Variants in ADAMTSL1 observed in about 807,000 individuals in gnomAD.
The protein encoded by ADAMTSL1 is ADAMTS-like protein 1.
A neutral mutation model predicts 201.8 loss-of-function variants in ADAMTSL1; 126 were observed. The ratio of observed to expected loss-of-function variants is 0.62; its 90% confidence interval spans 0.54 to 0.72. ADAMTSL1 has a LOEUF of 0.72. Ranked by LOEUF, ADAMTSL1 falls within the 30% of genes least tolerant of loss-of-function variation. The pLI, the probability that ADAMTSL1 is intolerant of heterozygous loss-of-function variation, is 0.00. For missense variants in ADAMTSL1, 2,679 were observed against 2,277.8 expected (o/e 1.18, Z -3.59); for synonymous variants, 1,121 against 903.4 (o/e 1.24, Z -4.32).
chr9:18,906,830 C>G lies in ADAMTSL1; in HGVS notation c.5100C>G (p.Asn1700Lys), dbSNP rs770131671. ...RRVECVHART[N>K]KAVPEHLCSW... ...TGGAGTGTGTGCATGCCCGCACCAACAAGGCAGTGCCTGAGCACCTGTGCT... is the reference window on the plus strand; with the variant it reads ...TGGAGTGTGTGCATGCCCGCACCAAGAAGGCAGTGCCTGAGCACCTGTGCT... Residue 1700 changes from asparagine to lysine, a missense_variant, in exon 28 of 29, where the codon AAC becomes AAG. Transcript: ENST00000380548. 3 of 1,614,042 alleles carry G rather than the reference C, an allele frequency of 1.9e-6. No individual in the cohort carries two copies. Among genetic ancestry groups the G allele is most frequent in the Non-Finnish European group, 2.5e-6 (3 of 1,179,892 alleles).
intron 1 of ADAMTSL1, among the ~76,000 whole-genome samples, chr9:18,095,960 A>C (rs62549861): frequency 0.034 from 5,246 of 152,230 alleles, 174 homozygotes; most frequent in African/African-American, 0.079. Flanking sequence ...ATTCTTATTC[A>C]GGACTATGGA....
Position 18,777,336 on chromosome 9 carries a change from G to C in ADAMTSL1, c.3107G>C (p.Gly1036Ala). 6.2e-7 allele frequency: 1 copy of C among 1,601,668 alleles called. No homozygotes were observed. The highest frequency in any genetic ancestry group is 8.5e-7 in the Non-Finnish European group (1 of 1,174,470). ...SRLLEQGGWP[G>A]ELLASWEAQD... ...CTGCTGGAGCAGGGCGGCTGGCCCG[G>C]AGAGCTGCTGGCCTCGTGGGAGGCG... Residue 1036 changes from glycine (G) to alanine (A), a missense_variant, in exon 19 of 29, where the codon GGA becomes GCA. Gly to Ala is a moderately conservative substitution (Grantham distance 60). Coordinates refer to ENST00000380548, the MANE Select transcript of ADAMTSL1 (RefSeq NM_001040272.6).
Position 18,812,812 on chromosome 9 carries a change from A to G in ADAMTSL1, c.3806-4297A>G, listed in dbSNP as rs118170245. On this transcript the variant is annotated intron_variant, in intron 20 of 28. Transcript: ENST00000380548. ...TGTGTTCTTGGCACTTTTGTTGAAA[A>G]TGAGTTGGCTGTAAGTACGTGGATT... Among the ~76,000 whole-genome samples, 431 of 152,240 alleles carry G rather than the reference A, an allele frequency of 2.8e-3. 3 individuals carry two copies. Among genetic ancestry groups the G allele is most frequent in the Middle Eastern group, 0.024 (7 of 294 alleles).
chr9:18,905,905 C>T lies in ADAMTSL1; in HGVS notation c.4961+14C>T. The stretch of plus-strand genomic sequence containing the variant: ...TGCTCTTCCGAGGTAAGAGAAAGCC[C>T]TGAATCTCCTTTTCCCAGCCCCATG... On this transcript the variant is annotated intron_variant, in intron 27 of 28. Transcript: ENST00000380548. 6.3e-7 allele frequency: 1 copy of T among 1,585,740 alleles called. No individual in the cohort carries two copies. The highest frequency in any genetic ancestry group is 1.7e-5 in the Admixed American group (1 of 57,638).
intron 20 of ADAMTSL1, among the ~76,000 whole-genome samples, chr9:18,805,495 A>G (rs1289636019): frequency 1.3e-5 from 2 of 152,132 alleles, no homozygotes; most frequent in Non-Finnish European, 1.5e-5. Context: ...ATTTATTCAA[A>G]CTTCCTGCTG....
Position 18,285,258 on chromosome 9 carries a change from C to T in ADAMTSL1, c.207+121277C>T, listed in dbSNP as rs542920671. On this transcript the variant is annotated intron_variant, in intron 2 of 29. Transcript: ENST00000680146. Reference sequence around the variant, plus strand: ...ATAGTAAGGAATAAAATCATAATAGCATTTATTGAATTTTACTATATTCCC... The same window carrying T: ...ATAGTAAGGAATAAAATCATAATAGTATTTATTGAATTTTACTATATTCCC... 2.0e-5 allele frequency among the ~76,000 whole-genome samples: 3 copies of T among 152,200 alleles called. No individual in the cohort carries two copies. In the South Asian group the frequency reaches 6.2e-4, roughly 32 times the overall value.
chr9:17,933,980 C>T (rs1026351678), intron 1 of ADAMTSL1, among the ~76,000 whole-genome samples: 2 of 152,140 alleles, frequency 1.3e-5, no homozygotes, highest in Admixed American at 6.6e-5. Flanking sequence ...TTTTAATATC[C>T]TCTTCTTGTT....
chr9:18,350,586 G>A (rs1835923851), intron 2 of ADAMTSL1, among the ~76,000 whole-genome samples: 1 of 152,120 alleles, frequency 6.6e-6, no homozygotes, highest in Non-Finnish European at 1.5e-5. Context: ...GAAAGGTAGG[G>A]GGTGTTCTTG....
At chr9:18,684,912 C>T (rs1830731874) in intron 13 of ADAMTSL1, 112 bp downstream of exon 13, 1 of 1,406,160 alleles carries the variant, frequency 7.1e-7, no homozygotes. Flanking sequence ...AATCATCTCA[C>T]CAAAGCTTTT....
chr9:18,315,493 G>A (rs1339804308), intron 2 of ADAMTSL1, among the ~76,000 whole-genome samples: 3 of 152,144 alleles, frequency 2.0e-5, no homozygotes, highest in Non-Finnish European at 4.4e-5. Flanking sequence ...GTCCTGTGGG[G>A]AGGCAGCTGA....
At position 18,606,179 on chromosome 9, in the gene ADAMTSL1, A is replaced by T. The variant is rs569736141; in HGVS notation, c.475-16064A>T. Among the ~76,000 whole-genome samples the T allele has an allele frequency of 3.0e-4, 46 of 152,166 alleles. 1 individual carries two copies. The South Asian group carries it at 9.6e-3, about 32-fold the overall frequency. On this transcript the variant is annotated intron_variant, in intron 4 of 28. Transcript: ENST00000380548. ...TCAGTCATGCCAACTGCTACTGGAG[A>T]TGTTTTTCCTCTGTTTAAGGTAATA...
chr9:18,727,873 A>T (rs549164998), intron 15 of ADAMTSL1, among the ~76,000 whole-genome samples: 1 of 152,174 alleles, frequency 6.6e-6, no homozygotes, highest in South Asian at 2.1e-4. Flanking sequence ...TGAGATCAGG[A>T]GTTCAAGACC....
chr9:18,375,448 G>T (rs193208639), intron 2 of ADAMTSL1, among the ~76,000 whole-genome samples: 2 of 152,080 alleles, frequency 1.3e-5, no homozygotes, highest in Admixed American at 1.3e-4. Context: ...AGTATGTAAA[G>T]GTACATCATT....
intron 4 of ADAMTSL1, among the ~76,000 whole-genome samples, chr9:18,603,599 C>T (rs1344167203): frequency 6.6e-6 from 1 of 152,138 alleles, no homozygotes; most frequent in Non-Finnish European, 1.5e-5. Flanking sequence ...ACCCACATAG[C>T]AGATGTTTAC....
At position 18,622,389 on chromosome 9, in the gene ADAMTSL1, G is replaced by C. The variant is rs1307043688; in HGVS notation, c.601+20G>C. 2 of 1,613,958 alleles carry C rather than the reference G, an allele frequency of 1.2e-6. No individual in the cohort carries two copies. Among genetic ancestry groups the C allele is most frequent in the Non-Finnish European group, 1.7e-6 (2 of 1,179,910 alleles). ...CCAAATGTAAGACACACAGAGATGG[G>C]CGACCTTTGGACTTGTTGACTTATC... On this transcript the variant is annotated intron_variant, in intron 5 of 28. Transcript: ENST00000380548.
Position 18,533,322 on chromosome 9 carries a change from T to G in ADAMTSL1, c.237+30T>G, listed in dbSNP as rs760200937. On this transcript the variant is annotated intron_variant, in intron 3 of 28. Coordinates refer to ENST00000380548, the MANE Select transcript of ADAMTSL1 (RefSeq NM_001040272.6). The stretch of plus-strand genomic sequence containing the variant: ...GTATAAGGTTCTGAGATTGTAATCA[T>G]GTATTTTTGTTAGCACTGAATGGTG... 10 of 1,591,408 alleles carry G rather than the reference T, an allele frequency of 6.3e-6. No individual in the cohort carries two copies. In the South Asian group the frequency reaches 8.1e-5, roughly 13 times the overall value.
chr9:18,589,182 A>G (rs1356242815), intron 4 of ADAMTSL1, among the ~76,000 whole-genome samples: 2 of 151,990 alleles, frequency 1.3e-5, no homozygotes, highest in Non-Finnish European at 2.9e-5. Context: ...TGGTCTTGTT[A>G]ACAATATTAA....
intron 2 of ADAMTSL1, among the ~76,000 whole-genome samples, chr9:18,197,805 T>C (rs148594082): frequency 0.045 from 6,895 of 152,050 alleles, 219 homozygotes; most frequent in Non-Finnish European, 0.07. Flanking sequence ...GCCAAGTCAA[T>C]CCTAAGGCAA....
At chr9:18,728,105 TAAATAAATAAATA>T (rs1311280570) in intron 15 of ADAMTSL1, among the ~76,000 whole-genome samples, 1 of 150,320 alleles carries the variant, frequency 6.7e-6, no homozygotes, top group African/African-American at 2.5e-5. Context: ...AATAAATAAA[TAAATAAATAAATA>T]AATAAATAAA....
Sources: allele counts gnomAD v4.1 joint callset (sites outside exome capture counted in the v4.1 genomes callset), GRCh38; gene constraint gnomAD v4.1.1; transcripts MANE v1.5; gene names NCBI Gene and HGNC (gene_info 2026-07-23, HGNC 2026-07-21).